The following RIN2 variants were observed in gnomAD, a reference collection of about 807,000 sequenced individuals.
The protein encoded by RIN2 is RAB5 interacting protein 2.
A neutral mutation model predicts 78.0 loss-of-function variants in RIN2; 36 were observed. That is an observed-to-expected ratio of 0.46 (90% CI 0.35 to 0.61). RIN2 has a LOEUF of 0.61. RIN2 is among the 20% of genes least tolerant of loss of function. RIN2 has a pLI of 0.00. For missense variants in RIN2, 1,087 were observed against 1,159.7 expected, an observed-to-expected ratio of 0.94 and a Z score of 0.91; for synonymous variants, 466 against 466.8, an observed-to-expected ratio of 1.00 and a Z score of 0.02.
chr20:19,960,750 C>G lies in RIN2; in HGVS notation c.402C>G (p.Leu134=). 4 of 1,605,678 alleles carry G rather than the reference C, an allele frequency of 2.5e-6. No homozygotes were observed. The highest frequency in any genetic ancestry group is 3.4e-6 in the Non-Finnish European group (4 of 1,176,230). Residue 134 remains leucine, a synonymous_variant, in exon 6 of 13, where the codon CTC becomes CTG. Coordinates refer to ENST00000255006, the MANE Select transcript of RIN2 (RefSeq NM_018993.4). ...AGATGCAGAAGAAAGTCCTCTCCCT[C>G]CGCCTGCCCTGTGAATTTGGGGCCC... The part of the protein sequence containing the change: ...STKMQKKVLS[L]RLPCEFGAPL...
intron 2 of RIN2, among the ~76,000 whole-genome samples, chr20:19,831,597 A>G (rs1468408494): frequency 3.3e-5 from 5 of 152,192 alleles, no homozygotes; most frequent in Non-Finnish European, 5.9e-5. Flanking sequence ...TTGTTTTATG[A>G]ACTGATTTCA....
Position 19,971,735 on chromosome 20 carries a change from A to ATTTC in RIN2, c.628+809_628+810insCTTT, listed in dbSNP as rs2042113025. Among the ~76,000 whole-genome samples the ATTTC allele has an allele frequency of 4.4e-5, 4 of 91,540 alleles. No individual in the cohort carries two copies. In the South Asian group the frequency reaches 1.3e-3, roughly 31 times the overall value. The allele number at this position is 91,540 out of a possible 152,430, so 60.1% of individuals were successfully genotyped here. On this transcript the variant is annotated intron_variant, in intron 8 of 12. Transcript: ENST00000255006. Reference sequence around the variant, plus strand: ...TGAATTCCCTTCTGCTGAAACTGCAATTTTTTTTTTTTTTTTTTTTTTTTG... The same window carrying ATTTC: ...TGAATTCCCTTCTGCTGAAACTGCAATTTCTTTTTTTTTTTTTTTTTTTTTTTTG...
At chr20:19,867,246 T>C (rs924779753) in intron 2 of RIN2, among the ~76,000 whole-genome samples, 1 of 152,196 alleles carries the variant, frequency 6.6e-6, no homozygotes, top group African/African-American at 2.4e-5. Flanking sequence ...GACAGTAAGT[T>C]GCATGAGTCA....
chr20:19,798,542 T>A (rs1747351739), intron 1 of RIN2, among the ~76,000 whole-genome samples: 1 of 151,780 alleles, frequency 6.6e-6, no homozygotes, highest in South Asian at 2.1e-4. Flanking sequence ...ATGTTGGGAG[T>A]TTGATAGGAC....
intron 2 of RIN2, among the ~76,000 whole-genome samples, chr20:19,810,839 A>G (rs7266280): frequency 0.23 from 33,336 of 147,412 alleles, 5,633 homozygotes; most frequent in African/African-American, 0.48. Context: ...GACTACAGGC[A>G]CCCACCACCA....
intron 9 of RIN2, among the ~76,000 whole-genome samples, chr20:19,988,842 A>G (rs1405213203): frequency 1.3e-5 from 2 of 152,046 alleles, no homozygotes; most frequent in Middle Eastern, 3.4e-3. Flanking sequence ...TCTACCCTTC[A>G]CTCAGATTCC....
At chr20:19,993,363 T>C (rs2042855942) in intron 11 of RIN2, among the ~76,000 whole-genome samples, 3 of 151,748 alleles carry the variant, frequency 2.0e-5, no homozygotes, top group Non-Finnish European at 2.9e-5. Context: ...CATCCCAGCA[T>C]TTTCCCTGGA....
chr20:19,913,456 A>G (rs780852072), intron 3 of RIN2, among the ~76,000 whole-genome samples: 33 of 152,206 alleles, frequency 2.2e-4, no homozygotes, highest in Non-Finnish European at 4.4e-4. Context: ...TCACATTTTA[A>G]ACATTTTTAA....
intron 1 of RIN2, among the ~76,000 whole-genome samples, chr20:19,770,407 T>C (rs1396762875): frequency 1.3e-5 from 2 of 152,176 alleles, no homozygotes; most frequent in African/African-American, 2.4e-5. Flanking sequence ...TTACATGCCA[T>C]GTGAAAAGCC....
At chr20:19,902,211 A>G (rs2039020087) in intron 3 of RIN2, among the ~76,000 whole-genome samples, 1 of 152,052 alleles carries the variant, frequency 6.6e-6, no homozygotes, top group Non-Finnish European at 1.5e-5. Flanking sequence ...CTGTATATAA[A>G]CTTGGGAGGA....
At chr20:19,951,928 C>T (rs745814896) in intron 4 of RIN2, among the ~76,000 whole-genome samples, 1 of 152,178 alleles carries the variant, frequency 6.6e-6, no homozygotes, top group African/African-American at 2.4e-5. Context: ...ATGCAGACAC[C>T]TTTCTTAGAA....
At chr20:19,960,564 CAGG>C in intron 5 of RIN2, 133 bp from the exon 6 acceptor site, 1 of 689,354 alleles carries the variant, frequency 1.5e-6, no homozygotes. Context: ...CTTTCTATGG[CAGG>C]AGAGTTTCCT....
intron 4 of RIN2, among the ~76,000 whole-genome samples, chr20:19,943,767 A>G (rs2040974416): frequency 6.6e-6 from 1 of 151,944 alleles, no homozygotes; most frequent in South Asian, 2.1e-4. Flanking sequence ...TTCTAAGACA[A>G]TCCATTTCCC....
chr20:19,823,387 G>GCTT (rs111638086), intron 2 of RIN2: 34,563 of 288,502 alleles, frequency 0.12, 2,691 homozygotes, highest in African/African-American at 0.41. Context: ...TGCTCTGCCT[G>GCTT]CTTTTTTTTT....
At chr20:19,992,136 A>G in intron 10 of RIN2, 32 bp from the exon 11 acceptor site, 1 of 1,605,430 alleles carries the variant, frequency 6.2e-7, no homozygotes, top group Non-Finnish European at 8.5e-7. Context: ...AGTTGGTAAA[A>G]ATATTCCATC....
In RIN2 at chr20:19,787,345, C is replaced by T. The variant is rs1026804812; in HGVS notation, c.-162-12277C>T. ...AGCTGAGGCAGGAGAATTGCTTGAACCCAGGAGGCAGAGGTTGCAGTGAGC... is the reference window on the plus strand; with the variant it reads ...AGCTGAGGCAGGAGAATTGCTTGAATCCAGGAGGCAGAGGTTGCAGTGAGC... On this transcript the variant is annotated intron_variant, in intron 1 of 12. Transcript: ENST00000255006. 2.7e-5 allele frequency among the ~76,000 whole-genome samples: 4 copies of T among 150,282 alleles called. No individual in the cohort carries two copies. In the South Asian group the frequency reaches 6.3e-4, roughly 24 times the overall value.
chr20:19,851,202 C>A (rs2123187147), intron 2 of RIN2, among the ~76,000 whole-genome samples: 1 of 152,190 alleles, frequency 6.6e-6, no homozygotes, highest in Middle Eastern at 3.4e-3. Context: ...TGGAGGGGGT[C>A]AGTGGCAAAG....
intron 1 of RIN2, among the ~76,000 whole-genome samples, chr20:19,787,303 A>G (rs6046319): frequency 0.015 from 2,344 of 151,864 alleles, 66 homozygotes; most frequent in African/African-American, 0.054. Flanking sequence ...TGCAGCTGTA[A>G]TCCTAGCTAC....
intron 9 of RIN2, among the ~76,000 whole-genome samples, chr20:19,980,278 C>A (rs1414500503): frequency 6.6e-6 from 1 of 152,136 alleles, no homozygotes; most frequent in Non-Finnish European, 1.5e-5. Context: ...AAATAGAAGA[C>A]CACGACAAGA....
Sources: allele counts gnomAD v4.1 joint callset (sites outside exome capture counted in the v4.1 genomes callset), GRCh38; gene constraint gnomAD v4.1.1; transcripts MANE v1.5; gene names NCBI Gene and HGNC (gene_info 2026-07-23, HGNC 2026-07-21).